The following PROKR2 variants were observed in gnomAD, a reference collection of about 807,000 sequenced individuals.
PROKR2 encodes the protein prokineticin receptor 2.
In PROKR2, 26 loss-of-function variants were observed where a neutral mutation model predicts 23.4. The ratio of observed to expected loss-of-function variants is 1.11; its 90% CI spans 0.81 to 1.54. The LOEUF (loss-of-function observed/expected upper bound fraction) is 1.54, where lower values mean the gene tolerates loss of function less well. PROKR2 is among the 40% of genes most tolerant of loss of function. PROKR2 has a pLI of 0.00. For missense variants in PROKR2, 453 were observed against 511.5 expected (o/e 0.89, Z 1.10); for synonymous variants, 212 against 201.2 (o/e 1.05, Z -0.45).
chr20:5,316,139 T>A lies in PROKR2; in HGVS notation c.-9+355A>T, dbSNP rs1979663057. 2.2e-6 allele frequency: 1 copy of A among 456,496 alleles called. No homozygotes were observed. Among genetic ancestry groups the A allele is most frequent in the Non-Finnish European group, 4.4e-6 (1 of 226,950 alleles). 28.3% of individuals were successfully genotyped at this position (456,496 alleles called of 1,614,324 possible). A position where few individuals can be genotyped will look rare whatever the true frequency, so the allele number is the denominator to read the frequency against. On this transcript the variant is annotated intron_variant, in intron 1 of 2. Transcript: ENST00000678254. This position sits in a 1 kb window ranked among gnomAD's most constrained non-coding sequence, Gnocchi z 5.0. The stretch of plus-strand genomic sequence containing the variant: ...GTGGAGGATGCGGTGCGCGGGAATT[T>A]CCCCACGGACGCTTGCTGTTTCCTG...
intron 2 of PROKR2, among the ~76,000 whole-genome samples, chr20:5,310,500 T>A (rs1238491610): frequency 1.3e-5 from 2 of 152,220 alleles, no homozygotes; most frequent in South Asian, 4.1e-4. Flanking sequence ...TCAGCATAAT[T>A]GGGGCAAAGG....
chr20:5,312,377 G>A (rs1979475321), intron 2 of PROKR2, among the ~76,000 whole-genome samples: 1 of 152,200 alleles, frequency 6.6e-6, no homozygotes, highest in Admixed American at 6.5e-5. Flanking sequence ...AAAGTGCTGG[G>A]ATTACAGACG....
intron 2 of PROKR2, among the ~76,000 whole-genome samples, chr20:5,305,707 T>G (rs1288288008): frequency 6.6e-6 from 1 of 152,118 alleles, no homozygotes; most frequent in Non-Finnish European, 1.5e-5. Context: ...AAAGGTTTGG[T>G]AGGTACAGGA....
chr20:5,305,296 A>G (rs973336219), intron 2 of PROKR2, among the ~76,000 whole-genome samples: 2 of 152,230 alleles, frequency 1.3e-5, no homozygotes, highest in African/African-American at 4.8e-5. Flanking sequence ...GTGCTGCAGT[A>G]GATTTATGCT....
chr20:5,301,475 C>A lies in PROKR2; in HGVS notation c.*565G>T, dbSNP rs1268785527. On this transcript the variant is annotated 3_prime_UTR_variant, in exon 3 of 3. Coordinates refer to ENST00000678254, the MANE Select transcript of PROKR2 (RefSeq NM_144773.4). ...TGAACTCCTGACCTCAAGTGTTCCA[C>A]GTGCCTCAGCCTCCCCAAGTGCTGG... Among the ~76,000 whole-genome samples, 7 of 152,338 alleles carry A rather than the reference C, an allele frequency of 4.6e-5. No homozygotes were observed. Among genetic ancestry groups the A allele is most frequent in the Admixed American group, 3.9e-4 (6 of 15,302 alleles).
intron 2 of PROKR2, among the ~76,000 whole-genome samples, chr20:5,306,870 G>A (rs1047629885): frequency 6.6e-6 from 1 of 152,204 alleles, no homozygotes; most frequent in African/African-American, 2.4e-5. Context: ...GTTATCAGCA[G>A]CTGAACAGCA....
At chr20:5,315,503 G>T (rs34598456) in intron 1 of PROKR2, among the ~76,000 whole-genome samples, 32,170 of 152,092 alleles carry the variant, frequency 0.21, 3,633 homozygotes, top group Admixed American at 0.25. Context: ...CTGTCCAGCT[G>T]TGAGTGGCCT....
Position 5,301,424 on chromosome 20 carries a change from G to T in PROKR2, c.*616C>A, listed in dbSNP as rs1978982377. Among the ~76,000 whole-genome samples the T allele has an allele frequency of 6.6e-6, 1 of 152,154 alleles. No homozygotes were observed. The highest frequency in any genetic ancestry group is 1.5e-5 in the Non-Finnish European group (1 of 68,034). On this transcript the variant is annotated 3_prime_UTR_variant, in exon 3 of 3. Transcript: ENST00000678254. ...ATTTTGTATTTTTAGTAGAGACAGG[G>T]TTTCACCATGTTGGCCAGCCTGGGT...
At chr20:5,308,203 T>C (rs79490754) in intron 2 of PROKR2, among the ~76,000 whole-genome samples, 1,442 of 21,434 alleles carry the variant, frequency 0.067, 4 homozygotes, top group Middle Eastern at 0.13. Flanking sequence ...CCCCCCCCCC[T>C]CAAAACCTGG....
chr20:5,314,541 C>T (rs2040668859), intron 1 of PROKR2, among the ~76,000 whole-genome samples, 164 bp from the exon 2 acceptor site: 2 of 152,326 alleles, frequency 1.3e-5, no homozygotes, highest in South Asian at 2.1e-4. Flanking sequence ...TGCAGGAGAA[C>T]ATCTGGTCAC....
At chr20:5,304,922 A>G (rs190378658) in intron 2 of PROKR2, among the ~76,000 whole-genome samples, 2 of 152,316 alleles carry the variant, frequency 1.3e-5, no homozygotes, top group East Asian at 1.9e-4. Context: ...GGTAATCTGC[A>G]TAAGGCTACT....
At position 5,299,943 on chromosome 20, in the gene PROKR2, A is replaced by G. The variant is rs1023188802; in HGVS notation, c.*2097T>C. 1.3e-5 allele frequency among the ~76,000 whole-genome samples: 2 copies of G among 152,208 alleles called. No individual in the cohort carries two copies. Among genetic ancestry groups the G allele is most frequent in the African/African-American group, 4.8e-5 (2 of 41,450 alleles). ...CCGGCCTGCATTTTCTGAGAGTACAATGATTGGGCTGAAGGTGAGTCTGCT... is the reference window on the plus strand; with the variant it reads ...CCGGCCTGCATTTTCTGAGAGTACAGTGATTGGGCTGAAGGTGAGTCTGCT... On this transcript the variant is annotated 3_prime_UTR_variant, in exon 3 of 3. Coordinates refer to ENST00000678254, the MANE Select transcript of PROKR2 (RefSeq NM_144773.4).
intron 2 of PROKR2, 50 bp from the exon 3 acceptor site, chr20:5,302,786 T>G (rs1979062830): frequency 6.9e-7 from 1 of 1,445,214 alleles, no homozygotes; most frequent in Non-Finnish European, 9.7e-7. Flanking sequence ...CGTGGAAACG[T>G]TAGTTTGTAA....
chr20:5,306,036 G>T (rs73073715), intron 2 of PROKR2, among the ~76,000 whole-genome samples: 1,822 of 152,308 alleles, frequency 0.012, 16 homozygotes, highest in Middle Eastern at 0.024. Context: ...AGATTTGAAA[G>T]AACCACTTAA....
At chr20:5,315,853 C>G (rs931558060) in intron 1 of PROKR2, 1 of 456,540 alleles carries the variant, frequency 2.2e-6, no homozygotes, top group African/African-American at 2.0e-5. Context: ...GGGAGTCCTA[C>G]CCCTCCTCGG....
At chr20:5,307,461 T>C (rs2122213016) in intron 2 of PROKR2, among the ~76,000 whole-genome samples, 1 of 152,314 alleles carries the variant, frequency 6.6e-6, no homozygotes, top group Admixed American at 6.5e-5. Context: ...GCTCCTATAA[T>C]TGAGGCATAC....
At position 5,314,003 on chromosome 20, in the gene PROKR2, G is replaced by T; in HGVS notation, c.367C>A (p.His123Asn). 1 of 1,614,210 alleles carries T rather than the reference G, an allele frequency of 6.2e-7. No homozygotes were observed. The highest frequency in any genetic ancestry group is 1.1e-5 in the South Asian group (1 of 91,078). ...YYVVRQLSWE[H>N]GHVLCASVNY... ...ACGGAGGCACAGAGCACGTGGCCAT[G>T]CTCCCAGGAGAGCTGCCGTACCACG... The change falls in exon 2 of 3, where the codon CAT becomes AAT. Residue 123 changes from histidine to asparagine, a missense_variant. Coordinates refer to ENST00000678254, the MANE Select transcript of PROKR2 (RefSeq NM_144773.4).
rs768302450 is a variant in PROKR2 at position 5,316,337 on chromosome 20, C to A, written c.-9+157G>T. 136 of 456,574 alleles carry A rather than the reference C, an allele frequency of 3.0e-4. 1 individual carries two copies. Among genetic ancestry groups the A allele is most frequent in the South Asian group, 4.5e-4 (29 of 64,578 alleles). 28.3% of individuals were successfully genotyped at this position (456,574 alleles called of 1,614,324 possible). On this transcript the variant is annotated intron_variant, in intron 1 of 2. Coordinates refer to ENST00000678254, the MANE Select transcript of PROKR2 (RefSeq NM_144773.4). This position sits in a 1 kb window ranked among gnomAD's most constrained non-coding sequence, Gnocchi z 5.0. ...CAGAGGGGATCTCCTGAAACCAACT[C>A]GCCTGCTTGGAGCCAGCCCCGACGC...
At position 5,316,468 on chromosome 20, in the gene PROKR2, G is replaced by A. The variant is rs1220599041; in HGVS notation, c.-9+26C>T. ...TCCCCCACCGCACCGACTGAGTCCC[G>A]GGACTGCAGGGATCTAAGCCCTTAC... is the stretch of plus-strand genomic sequence containing the variant. On this transcript the variant is annotated intron_variant, in intron 1 of 2. Transcript: ENST00000678254. The surrounding 1 kb of genome is among the most constrained non-coding windows in gnomAD (Gnocchi z 5.0). 1 of 435,654 alleles carries A rather than the reference G, an allele frequency of 2.3e-6. No homozygotes were observed. Among genetic ancestry groups the A allele is most frequent in the East Asian group, 7.0e-5 (1 of 14,270 alleles). The allele number at this position is 435,654 out of a possible 1,614,324, so 27.0% of individuals were successfully genotyped here. A position where few individuals can be genotyped will look rare whatever the true frequency, so the allele number is the denominator to read the frequency against.
Sources: gnomAD v4.1 joint callset for allele counts (sites outside exome capture counted in the v4.1 genomes callset) on GRCh38, gnomAD v4.1.1 for gene constraint, Gnocchi (gnomAD v3.1) non-coding constraint, MANE v1.5 for transcripts, NCBI Gene and HGNC (gene_info 2026-07-23, HGNC 2026-07-21) for gene names.